NRXN2: variants seen among roughly 807,000 people sequenced by gnomAD.
NRXN2 encodes neurexin 2.
Under a neutral mutation model 128.8 loss-of-function variants are expected in NRXN2, and 29 were observed. The ratio of observed to expected loss-of-function variants is 0.23; its 90% CI spans 0.17 to 0.31. The LOEUF is 0.31. NRXN2 is among the 10% of genes least tolerant of loss of function. The pLI is 1.00. For synonymous variants in NRXN2, 1,098 were observed against 1,075.2 expected (o/e 1.02, Z -0.41); for missense variants, 1,881 against 2,452.6 (o/e 0.77, Z 4.92).
intron 2 of NRXN2, 39 bp downstream of exon 2, chr11:64,712,931 C>A: frequency 1.3e-6 from 2 of 1,487,642 alleles, no homozygotes; most frequent in Non-Finnish European, 1.8e-6. Flanking sequence ...GCCCTCACCC[C>A]CGCGCCCAGG....
In NRXN2 at chr11:64,607,117, C is replaced by T. The variant is rs946300907; in HGVS notation, c.*79G>A. The T allele has an allele frequency of 4.0e-6, 6 of 1,492,196 alleles. No individual in the cohort carries two copies. The Admixed American group carries it at 1.1e-4, about 28-fold the overall frequency. 92.4% of individuals were successfully genotyped at this position (1,492,196 alleles called of 1,614,324 possible). On this transcript the variant is annotated 3_prime_UTR_variant, in exon 23 of 23. Coordinates refer to ENST00000265459, the MANE Select transcript of NRXN2 (RefSeq NM_015080.4). ...CAGCCAGGGAGAGGGTCCCCAGGCCCCTGGCAGGGAGAGGGTGGCACCCTC... is the reference window on the plus strand; with the variant it reads ...CAGCCAGGGAGAGGGTCCCCAGGCCTCTGGCAGGGAGAGGGTGGCACCCTC...
chr11:64,612,679 C>T (rs2040862067), intron 22 of NRXN2, among the ~76,000 whole-genome samples: 1 of 152,244 alleles, frequency 6.6e-6, no homozygotes, highest in Admixed American at 6.5e-5. Context: ...ACCCAAGAAC[C>T]CCATTCTCAC....
intron 22 of NRXN2, among the ~76,000 whole-genome samples, chr11:64,608,744 A>ACT (rs2135257650): frequency 6.6e-6 from 1 of 151,496 alleles, no homozygotes; most frequent in Non-Finnish European, 1.5e-5. Flanking sequence ...CTCCTCCTGA[A>ACT]CTCTCTCTCC....
rs758255243 is a variant in NRXN2 at position 64,660,361 on chromosome 11, C to G, written c.2360G>C (p.Gly787Ala). ...SADTLRLELD[G>A]GQMKLTVNLD... ...GTTGACAGTGAGCTTCATCTGCCCC[C>G]CATCCAGCTCCAGGCGTAGGGTGTC... The change falls in exon 11 of 23, where the codon GGG (glycine) becomes GCG (alanine). Residue 787 changes from glycine (G) to alanine (A), a missense_variant. Physicochemically the swap from Gly to Ala is moderately conservative, Grantham distance 60. Around this residue, in one of 7 missense-constraint regions of NRXN2, gnomAD observed 997 missense variants for 1,240.8 expected, o/e 0.80. Coordinates refer to ENST00000265459, the MANE Select transcript of NRXN2 (RefSeq NM_015080.4). The surrounding 1 kb of genome is among the most constrained non-coding windows in gnomAD (Gnocchi z 5.2). 3.3e-5 allele frequency: 54 copies of G among 1,613,908 alleles called. No homozygotes were observed. Among genetic ancestry groups the G allele is most frequent in the African/African-American group, 4.0e-5 (3 of 74,916 alleles).
At chr11:64,691,211 G>T (rs1244603919) in intron 4 of NRXN2, among the ~76,000 whole-genome samples, 1 of 152,200 alleles carries the variant, frequency 6.6e-6, no homozygotes, top group Non-Finnish European at 1.5e-5. Context: ...AAAGGGCTGT[G>T]CAAGTCAAAG....
chr11:64,699,757 A>G (rs2135615847), intron 2 of NRXN2, among the ~76,000 whole-genome samples: 1 of 152,080 alleles, frequency 6.6e-6, no homozygotes, highest in South Asian at 2.1e-4. Context: ...TTATGGGGGG[A>G]GCTGGCTAAT....
chr11:64,683,576 C>T lies in NRXN2; in HGVS notation c.1152+2070G>A, dbSNP rs141555077. Among the ~76,000 whole-genome samples the T allele has an allele frequency of 3.7e-3, 561 of 150,336 alleles. 1 individual carries two copies. Among genetic ancestry groups the T allele is most frequent in the African/African-American group, 0.013 (542 of 40,570 alleles). On this transcript the variant is annotated intron_variant, in intron 6 of 22. Transcript: ENST00000265459. ...CAGAGGTTGGAGTGAGCCGAGATCA[C>T]GCCGCTGCACTCCAGCTTGGGCAAC...
rs201783047 is a variant in NRXN2 at position 64,660,528 on chromosome 11, C to T, written c.2193G>A (p.Thr731=). 1.1e-5 allele frequency: 18 copies of T among 1,614,100 alleles called. No individual in the cohort carries two copies. Among genetic ancestry groups the T allele is most frequent in the Admixed American group, 1.7e-5 (1 of 60,024 alleles). ...FLGRVCEREA[T]VLSYDGSMYM... ...ACATGGAGCCATCGTAGCTCAGGACCGTGGCCTCTGCCCACAGGAGTTGGG... is the reference window on the plus strand; with the variant it reads ...ACATGGAGCCATCGTAGCTCAGGACTGTGGCCTCTGCCCACAGGAGTTGGG... Residue 731 remains threonine (T), a synonymous_variant, in exon 11 of 23, where the codon ACG becomes ACA. Transcript: ENST00000265459. This position sits in a 1 kb window ranked among gnomAD's most constrained non-coding sequence, Gnocchi z 5.2.
Position 64,713,464 on chromosome 11 carries a change from T to A in NRXN2, c.236A>T (p.Glu79Val). Residue 79 changes from glutamate to valine, a missense_variant, in exon 2 of 23, where the codon GAG (glutamate) becomes GTG (valine). By Grantham distance (121) the Glu-to-Val change is moderately radical (BLOSUM62 -2). This residue lies in a region of NRXN2 where 997 missense variants were observed against 1,240.8 expected (regional missense o/e 0.80). Transcript: ENST00000265459. The part of the protein sequence containing the change: ...LDDGGDCDFL[E>V]LLLVDGRLRL... ...CAGGCGGCCGTCCACCAGCAGCAGC[T>A]CCAGGAAGTCGCAGTCGCCGCCGTC... 2 of 1,530,758 alleles carry A rather than the reference T, an allele frequency of 1.3e-6. No individual in the cohort carries two copies. Among genetic ancestry groups the A allele is most frequent in the Admixed American group, 3.9e-5 (2 of 51,206 alleles). The allele number at this position is 1,530,758 out of a possible 1,614,324, so 94.8% of individuals were successfully genotyped here.
Position 64,723,176 on chromosome 11 carries a change from C to A in NRXN2, c.-450G>T, listed in dbSNP as rs1435046763. ...CGAGTCAGGGCGGCTGCTCCCGCCGCCGCATCCCTGCAACACCGACTGACG... is the reference window on the plus strand; with the variant it reads ...CGAGTCAGGGCGGCTGCTCCCGCCGACGCATCCCTGCAACACCGACTGACG... On this transcript the variant is annotated 5_prime_UTR_variant, in exon 1 of 23. Transcript: ENST00000265459. 6.6e-6 allele frequency: 1 copy of A among 151,542 alleles called. No homozygotes were observed. The highest frequency in any genetic ancestry group is 1.5e-5 in the Non-Finnish European group (1 of 67,608). The allele number at this position is 151,542 out of a possible 1,614,324, so 9.4% of individuals were successfully genotyped here. A position where few individuals can be genotyped will look rare whatever the true frequency, so the allele number is the denominator to read the frequency against.
At chr11:64,644,554 C>T (rs1018130982) in intron 17 of NRXN2, among the ~76,000 whole-genome samples, 3 of 152,184 alleles carry the variant, frequency 2.0e-5, no homozygotes, top group African/African-American at 7.2e-5. Flanking sequence ...AACTTTTGGA[C>T]GCTCTGGAAA....
chr11:64,716,363 G>T (rs1206256964), intron 1 of NRXN2, among the ~76,000 whole-genome samples: 1 of 152,118 alleles, frequency 6.6e-6, no homozygotes, highest in Non-Finnish European at 1.5e-5. Flanking sequence ...CGGGTTCTGT[G>T]GGAAAGGCGA....
In NRXN2 at chr11:64,713,221, C is replaced by A; in HGVS notation, c.479G>T (p.Arg160Leu). The A allele has an allele frequency of 6.8e-7, 1 of 1,466,684 alleles. No homozygotes were observed. Among genetic ancestry groups the A allele is most frequent in the South Asian group, 1.3e-5 (1 of 77,614 alleles). The allele number at this position is 1,466,684 out of a possible 1,614,324, so 90.9% of individuals were successfully genotyped here. Residue 160 changes from arginine (R) to leucine (L), a missense_variant, in exon 2 of 23, where the codon CGC becomes CTC. This residue lies in a region of NRXN2 where 997 missense variants were observed against 1,240.8 expected (regional missense o/e 0.80). Coordinates refer to ENST00000265459, the MANE Select transcript of NRXN2 (RefSeq NM_015080.4). ...LFVGGIPPDV[R>L]LSALTLSTVK... ...GGTGCTCAGCGTAAGCGCCGAGAGG[C>A]GCACGTCGGGCGGGATGCCGCCCAC...
At chr11:64,694,617 G>T (rs2077177547) in intron 3 of NRXN2, among the ~76,000 whole-genome samples, 1 of 152,162 alleles carries the variant, frequency 6.6e-6, no homozygotes, top group South Asian at 2.1e-4. Context: ...GGAGGATGTA[G>T]GTTTTTATCC....
chr11:64,656,507 C>T (rs1212655463), intron 11 of NRXN2, among the ~76,000 whole-genome samples: 1 of 152,044 alleles, frequency 6.6e-6, no homozygotes, highest in Non-Finnish European at 1.5e-5. Context: ...GAAGGCCTCC[C>T]ACTGGTAGGG....
At chr11:64,642,657 C>T (rs752131151) in intron 17 of NRXN2, 12 of 1,585,788 alleles carry the variant, frequency 7.6e-6, no homozygotes, top group Non-Finnish European at 9.4e-6. Flanking sequence ...CCCGGGCCCC[C>T]TCGGCCGCCC....
At chr11:64,642,480 C>T (rs2045845551) in intron 17 of NRXN2, 3 of 1,546,528 alleles carry the variant, frequency 1.9e-6, no homozygotes, top group African/African-American at 2.8e-5. Flanking sequence ...GCTGCGCACA[C>T]GGGAAGCGCC....
At chr11:64,669,266 C>T (rs2050309660) in intron 7 of NRXN2, among the ~76,000 whole-genome samples, 1 of 152,184 alleles carries the variant, frequency 6.6e-6, no homozygotes. Flanking sequence ...TCCAGGTTTG[C>T]ACTTCTAGCC....
intron 17 of NRXN2, among the ~76,000 whole-genome samples, chr11:64,644,696 G>A (rs567418490): frequency 1.3e-5 from 2 of 152,146 alleles, no homozygotes; most frequent in South Asian, 4.2e-4. Flanking sequence ...GGAGAGAGGT[G>A]GAGAGGGCAC....
Sources: gnomAD v4.1 joint callset for allele counts (sites outside exome capture counted in the v4.1 genomes callset) on GRCh38, gnomAD v4.1.1 for gene constraint, gnomAD v4.1.1 regional missense constraint, Gnocchi (gnomAD v3.1) non-coding constraint, MANE v1.5 for transcripts, NCBI Gene and HGNC (gene_info 2026-07-23, HGNC 2026-07-21) for gene names.